Variants in NOL4 observed in about 807,000 individuals in gnomAD.
NOL4 encodes nucleolar protein 4, also known as cancer/testis antigen 125.
In NOL4, 17 loss-of-function variants were observed where a neutral mutation model predicts 75.9. The observed-to-expected ratio is 0.22, with a 90% CI of 0.15 to 0.34. NOL4 has a LOEUF of 0.34. Among genes scored for constraint, NOL4 ranks in the 10% least tolerant of loss-of-function variants. The pLI, the probability that NOL4 is intolerant of heterozygous loss-of-function variation, is 1.00. For missense variants in NOL4, 614 were observed against 793.5 expected, an observed-to-expected ratio of 0.77 and a Z score of 2.72; for synonymous variants, 292 against 289.9, an observed-to-expected ratio of 1.01 and a Z score of -0.07.
chr18:34,170,350 G>T (rs774319962), intron 1 of NOL4, among the ~76,000 whole-genome samples: 1 of 151,676 alleles, frequency 6.6e-6, no homozygotes, highest in Non-Finnish European at 1.5e-5. Flanking sequence ...GCTAATTTTT[G>T]TATTTTATTT....
intron 6 of NOL4, among the ~76,000 whole-genome samples, chr18:34,018,963 G>C (rs1170059774): frequency 6.6e-6 from 1 of 152,076 alleles, no homozygotes; most frequent in African/African-American, 2.4e-5. Context: ...AAACTAGATA[G>C]TGATCCTTTT....
intron 4 of NOL4, among the ~76,000 whole-genome samples, chr18:34,097,553 A>G (rs950493888): frequency 6.6e-6 from 1 of 152,242 alleles, no homozygotes; most frequent in Non-Finnish European, 1.5e-5. Flanking sequence ...TCTCTATTCA[A>G]TAAGGTAAAT....
chr18:34,072,972 TA>T (rs1405804650), intron 5 of NOL4, among the ~76,000 whole-genome samples: 1 of 152,150 alleles, frequency 6.6e-6, no homozygotes, highest in Non-Finnish European at 1.5e-5. Flanking sequence ...TATAGTTTTA[TA>T]TGCTAGTATT....
In NOL4 at chr18:34,223,972, CG is replaced by C. The variant is rs2037480532; in HGVS notation, c.-720del. Reference sequence around the variant, plus strand: ...TTTTTTATCAAGATATTTTTTAAAACGGTTTAAAATGTCATTTCTTCAGATG... The same window carrying C: ...TTTTTTATCAAGATATTTTTTAAAACGTTTAAAATGTCATTTCTTCAGATG... On this transcript the variant is annotated 5_prime_UTR_variant, in exon 1 of 11. Coordinates refer to ENST00000261592, the MANE Select transcript of NOL4 (RefSeq NM_003787.5). The C allele has an allele frequency of 6.6e-6, 1 of 152,220 alleles. No individual in the cohort carries two copies. Among genetic ancestry groups the C allele is most frequent in the African/African-American group, 2.4e-5 (1 of 41,462 alleles). 9.4% of individuals were successfully genotyped at this position (152,220 alleles called of 1,614,324 possible).
In NOL4 at chr18:33,885,960, C is replaced by T. The variant is rs1412180736; in HGVS notation, c.1543-2536G>A. ...ATGAATGAATACAGAAAATGTGGTA[C>T]ATATACACAATGGAGTGCTATTTGG... On this transcript the variant is annotated intron_variant, in intron 9 of 10. Transcript: ENST00000261592. 2.0e-5 allele frequency among the ~76,000 whole-genome samples: 3 copies of T among 152,210 alleles called. No individual in the cohort carries two copies. The East Asian group carries it at 5.8e-4, about 29-fold the overall frequency.
chr18:34,076,409 T>C (rs2145331982), intron 5 of NOL4, among the ~76,000 whole-genome samples: 1 of 152,280 alleles, frequency 6.6e-6, no homozygotes, highest in Middle Eastern at 3.4e-3. Flanking sequence ...ACTCCAAAGG[T>C]CATCCTGAAT....
chr18:33,886,974 T>C lies in NOL4; in HGVS notation c.1543-3550A>G, dbSNP rs931693224. ...TATATTATATCTAGATATATCTATA[T>C]ACATATATATCTATATATCTAGATA... is the stretch of plus-strand genomic sequence containing the variant. On this transcript the variant is annotated intron_variant, in intron 9 of 10. Transcript: ENST00000261592. 2.1e-5 allele frequency among the ~76,000 whole-genome samples: 3 copies of C among 140,156 alleles called. No individual in the cohort carries two copies. The Admixed American group carries it at 2.2e-4, about 10-fold the overall frequency. 91.9% of individuals were successfully genotyped at this position (140,156 alleles called of 152,430 possible). A position where few individuals can be genotyped will look rare whatever the true frequency, so the allele number is the denominator to read the frequency against.
intron 2 of NOL4, among the ~76,000 whole-genome samples, chr18:34,121,699 C>A (rs2080149702): frequency 6.6e-6 from 1 of 152,102 alleles, no homozygotes; most frequent in Non-Finnish European, 1.5e-5. Flanking sequence ...AAACAACTGG[C>A]AAATAAGAAA....
At chr18:33,905,376 G>A (rs1290010525) in intron 9 of NOL4, among the ~76,000 whole-genome samples, 1 of 152,120 alleles carries the variant, frequency 6.6e-6, no homozygotes, top group Non-Finnish European at 1.5e-5. Context: ...AAACTTGATG[G>A]ATTAAAGCCA....
chr18:33,879,521 A>G (rs1029982770), intron 10 of NOL4, among the ~76,000 whole-genome samples: 1 of 151,960 alleles, frequency 6.6e-6, no homozygotes, highest in Non-Finnish European at 1.5e-5. Flanking sequence ...AAAAATAAAA[A>G]TAAAAATAAA....
chr18:34,198,665 T>C (rs1600855798), intron 1 of NOL4, among the ~76,000 whole-genome samples: 1 of 151,780 alleles, frequency 6.6e-6, no homozygotes, highest in South Asian at 2.1e-4. Flanking sequence ...TAGGTACAGG[T>C]AAAATACCTG....
At chr18:33,980,684 C>A (rs2071879957) in intron 6 of NOL4, among the ~76,000 whole-genome samples, 1 of 151,868 alleles carries the variant, frequency 6.6e-6, no homozygotes, top group African/African-American at 2.4e-5. Flanking sequence ...AAGACCTAAT[C>A]AAAGGGCTAT....
chr18:34,114,002 A>C lies in NOL4; in HGVS notation c.415-8842T>G, dbSNP rs2079732480. On this transcript the variant is annotated intron_variant, in intron 2 of 10. Coordinates refer to ENST00000261592, the MANE Select transcript of NOL4 (RefSeq NM_003787.5). ...ATCAAAGTCCTAATATCTTTCTCGCAATATGTAATAGCAGTTGCAAATAAA... is the reference window on the plus strand; with the variant it reads ...ATCAAAGTCCTAATATCTTTCTCGCCATATGTAATAGCAGTTGCAAATAAA... 1.3e-5 allele frequency among the ~76,000 whole-genome samples: 2 copies of C among 152,242 alleles called. 1 individual carries two copies. Among genetic ancestry groups the C allele is most frequent in the South Asian group, 4.1e-4 (2 of 4,836 alleles).
chr18:34,160,630 T>C (rs1253283502), intron 1 of NOL4, among the ~76,000 whole-genome samples: 1 of 152,188 alleles, frequency 6.6e-6, no homozygotes, highest in Admixed American at 6.5e-5. Context: ...AATTCTTATA[T>C]ATGTGGTCAC....
chr18:34,161,654 A>T (rs1489708022), intron 1 of NOL4, among the ~76,000 whole-genome samples: 2 of 151,984 alleles, frequency 1.3e-5, no homozygotes, highest in Non-Finnish European at 2.9e-5. Context: ...CTCTTAAGTG[A>T]TGTCTATTCA....
intron 1 of NOL4, among the ~76,000 whole-genome samples, chr18:34,147,544 C>A (rs941527992): frequency 1.3e-5 from 2 of 152,104 alleles, no homozygotes; most frequent in African/African-American, 4.8e-5. Flanking sequence ...GTTGAACCAG[C>A]CTTGCATCCC....
rs189949471 is a variant in NOL4, at chr18:34,135,167, T to C, written c.265-5147A>G. On this transcript the variant is annotated intron_variant, in intron 1 of 10. Coordinates refer to ENST00000261592, the MANE Select transcript of NOL4 (RefSeq NM_003787.5). ...AATGACAAAGTTTAAGCTCTACTTATATAAAAATGTAAAAAGAGGAGGGAA... is the reference window on the plus strand; with the variant it reads ...AATGACAAAGTTTAAGCTCTACTTACATAAAAATGTAAAAAGAGGAGGGAA... Among the ~76,000 whole-genome samples, 249 of 152,118 alleles carry C rather than the reference T, an allele frequency of 1.6e-3. 6 individuals are homozygous for C. The highest frequency in any genetic ancestry group is 9.0e-3 in the Admixed American group (137 of 15,276).
intron 4 of NOL4, among the ~76,000 whole-genome samples, 159 bp downstream of exon 4, chr18:34,103,888 T>C (rs2079149884): frequency 1.3e-5 from 2 of 151,806 alleles, no homozygotes; most frequent in African/African-American, 4.8e-5. Flanking sequence ...GGACTAGGAG[T>C]TTCTGCTCAC....
chr18:33,861,517 T>C (rs1238114778), intron 10 of NOL4, among the ~76,000 whole-genome samples: 1 of 152,176 alleles, frequency 6.6e-6, no homozygotes, highest in East Asian at 1.9e-4. Context: ...TATTTGATTC[T>C]TCTCTCTTTT....
Sources: gnomAD v4.1 joint callset for allele counts (sites outside exome capture counted in the v4.1 genomes callset) on GRCh38, gnomAD v4.1.1 for gene constraint, MANE v1.5 for transcripts, NCBI Gene and HGNC (gene_info 2026-07-23, HGNC 2026-07-21) for gene names.